The following SYN3 variants were observed in gnomAD, a reference collection of about 807,000 sequenced individuals.
SYN3 encodes synapsin-3.
SYN3 carries 35 observed loss-of-function variants against 65.8 expected under a neutral mutation model. The observed-to-expected ratio is 0.53, with a 90% CI of 0.41 to 0.70. The LOEUF (loss-of-function observed/expected upper bound fraction) is 0.70, where lower values mean the gene tolerates loss of function less well. Among genes scored for constraint, SYN3 ranks in the 30% least tolerant of loss-of-function variants. SYN3 has a pLI of 0.00. For missense variants in SYN3, 680 were observed against 749.0 expected (o/e 0.91, Z 1.08); for synonymous variants, 270 against 292.9 (o/e 0.92, Z 0.80).
chr22:33,006,875 AG>A, intron 1 of SYN3, 51 bp from the exon 2 acceptor site: 1 of 474,884 alleles, frequency 2.1e-6, no homozygotes, highest in East Asian at 3.1e-5. Context: ...CACCCCCTTA[AG>A]AGCAAACAGA....
At chr22:32,906,473 G>A (rs892412955) in intron 4 of SYN3, among the ~76,000 whole-genome samples, 1 of 152,006 alleles carries the variant, frequency 6.6e-6, no homozygotes, top group Admixed American at 6.5e-5. Context: ...TTAACCCCAG[G>A]GGAAAAATAG....
In SYN3 at chr22:32,578,439, T is replaced by C. The variant is rs574744847; in HGVS notation, c.774+18235A>G. On this transcript the variant is annotated intron_variant, in intron 7 of 13. Coordinates refer to ENST00000358763, the MANE Select transcript of SYN3 (RefSeq NM_003490.4). ...TTTTTATTTTTATTTTTAGTAAAGA[T>C]GGGTTTTGCCATGTAGCCCAGGTTG... Among the ~76,000 whole-genome samples, 11 of 152,208 alleles carry C rather than the reference T, an allele frequency of 7.2e-5. No individual in the cohort carries two copies. In the East Asian group the frequency reaches 2.1e-3, roughly 29 times the overall value.
chr22:32,601,338 T>C (rs1240678746), intron 6 of SYN3, among the ~76,000 whole-genome samples: 3 of 151,540 alleles, frequency 2.0e-5, no homozygotes, highest in Admixed American at 6.6e-5. Flanking sequence ...AGTGCAGTGG[T>C]GCGATCTCAG....
intron 6 of SYN3, among the ~76,000 whole-genome samples, chr22:32,732,270 C>T (rs1008108787): frequency 4.6e-5 from 7 of 152,280 alleles, no homozygotes; most frequent in East Asian, 1.9e-4. Context: ...GGACAGTGCC[C>T]GACACACAGC....
At chr22:32,574,222 C>T (rs1036226538) in intron 7 of SYN3, among the ~76,000 whole-genome samples, 1 of 151,990 alleles carries the variant, frequency 6.6e-6, no homozygotes, top group Non-Finnish European at 1.5e-5. Flanking sequence ...GGCTCACACC[C>T]ACAATCCCAG....
chr22:32,709,336 A>G (rs2060924691), intron 6 of SYN3, among the ~76,000 whole-genome samples: 1 of 152,260 alleles, frequency 6.6e-6, no homozygotes, highest in African/African-American at 2.4e-5. Flanking sequence ...GGCTGAATCC[A>G]GCACCAAATC....
At chr22:32,811,625 TAG>T (rs1012607251) in intron 6 of SYN3, among the ~76,000 whole-genome samples, 48 of 152,232 alleles carry the variant, frequency 3.2e-4, no homozygotes, top group African/African-American at 9.9e-4. Context: ...CTTCACATTT[TAG>T]AGTCTTAAGT....
chr22:32,977,669 G>A lies in SYN3; in HGVS notation c.369+2976C>T, dbSNP rs74380024. 6.5e-3 allele frequency among the ~76,000 whole-genome samples: 990 copies of A among 151,432 alleles called. 7 individuals carry two copies. Among genetic ancestry groups the A allele is most frequent in the East Asian group, 0.024 (124 of 5,132 alleles). On this transcript the variant is annotated intron_variant, in intron 3 of 13. Transcript: ENST00000358763. ...TGAGGCAGGAGAATTGCTTGAACCC[G>A]GGAGGCAGAGGTTGCAGTGAGCCGA...
chr22:33,049,261 G>A (rs1392039500), intron 1 of SYN3, among the ~76,000 whole-genome samples: 1 of 152,156 alleles, frequency 6.6e-6, no homozygotes, highest in African/African-American at 2.4e-5. Flanking sequence ...AGATTGCCAA[G>A]TTCCACTCCT....
intron 1 of SYN3, among the ~76,000 whole-genome samples, chr22:33,021,172 T>C (rs1364772575): frequency 2.0e-5 from 3 of 152,178 alleles, no homozygotes. Flanking sequence ...CACCTCTGCC[T>C]CTTGCAGCTC....
In SYN3 at chr22:32,513,086, T is replaced by A. The variant is rs1339782005; in HGVS notation, c.*606A>T. ...TGTCATACAGGGTCTGGTTTCTTTC[T>A]TGGCCTCAGGACCCCACTAGTGGCC... On this transcript the variant is annotated 3_prime_UTR_variant, in exon 14 of 14. Transcript: ENST00000358763. 1.3e-5 allele frequency: 2 copies of A among 152,516 alleles called. No homozygotes were observed. The allele number at this position is 152,516 out of a possible 1,614,324, so 9.4% of individuals were successfully genotyped here.
chr22:32,812,817 C>T (rs1386785608), intron 6 of SYN3, among the ~76,000 whole-genome samples: 1 of 152,194 alleles, frequency 6.6e-6, no homozygotes, highest in Non-Finnish European at 1.5e-5. Context: ...TATCTGCTCC[C>T]CTGACAGGGA....
At position 32,844,505 on chromosome 22, in the gene SYN3, A is replaced by G. The variant is rs1297185301; in HGVS notation, c.711+20410T>C. Among the ~76,000 whole-genome samples, 3 of 152,192 alleles carry G rather than the reference A, an allele frequency of 2.0e-5. No individual in the cohort carries two copies. The East Asian group carries it at 5.8e-4, about 29-fold the overall frequency. The stretch of plus-strand genomic sequence containing the variant: ...GCACTCTTGCCCAAACAAATATTCA[A>G]AGGAAGCAAAGACAGTTCAATAGAG... On this transcript the variant is annotated intron_variant, in intron 6 of 13. Coordinates refer to ENST00000358763, the MANE Select transcript of SYN3 (RefSeq NM_003490.4).
chr22:32,526,972 C>T (rs182973952), intron 12 of SYN3, among the ~76,000 whole-genome samples: 74 of 152,266 alleles, frequency 4.9e-4, no homozygotes, highest in African/African-American at 1.8e-3. Context: ...GCGGATTTCT[C>T]TCAAGACTGC....
chr22:32,814,300 G>GGA (rs141770370), intron 6 of SYN3, among the ~76,000 whole-genome samples: 16 of 81,876 alleles, frequency 2.0e-4, no homozygotes, highest in African/African-American at 8.8e-4. Context: ...AAGGAAGGAA[G>GGA]GAGAGAGAGA....
chr22:32,706,932 C>G (rs2060888980), intron 6 of SYN3, among the ~76,000 whole-genome samples: 1 of 152,170 alleles, frequency 6.6e-6, no homozygotes, highest in Non-Finnish European at 1.5e-5. Flanking sequence ...GGACATTTCT[C>G]TCTGCCTGCC....
chr22:32,687,919 G>C (rs1249659032), intron 6 of SYN3, among the ~76,000 whole-genome samples: 5 of 145,530 alleles, frequency 3.4e-5, no homozygotes, highest in Non-Finnish European at 7.5e-5. Flanking sequence ...CACCATCCCA[G>C]GTCAGGTCAT....
At chr22:32,979,540 C>A (rs2052310401) in intron 3 of SYN3, among the ~76,000 whole-genome samples, 1 of 152,068 alleles carries the variant, frequency 6.6e-6, no homozygotes, top group South Asian at 2.1e-4. Flanking sequence ...AACAGTCATG[C>A]CCCCCATTTT....
intron 7 of SYN3, among the ~76,000 whole-genome samples, chr22:32,559,556 C>G (rs183855209): frequency 6.6e-6 from 1 of 152,252 alleles, no homozygotes; most frequent in Admixed American, 6.5e-5. Context: ...TGGCCGGGCG[C>G]GGTGGCTCAC....
Sources: allele counts gnomAD v4.1 joint callset (sites outside exome capture counted in the v4.1 genomes callset), GRCh38; gene constraint gnomAD v4.1.1; transcripts MANE v1.5; gene names NCBI Gene and HGNC (gene_info 2026-07-23, HGNC 2026-07-21).